CSMD1: variants seen among roughly 807,000 people sequenced by gnomAD.
CSMD1 encodes the protein CUB and sushi domain-containing protein 1.
Under a neutral mutation model 417.5 loss-of-function variants are expected in CSMD1, and 213 were observed. The observed-to-expected ratio is 0.51, with a 90% confidence interval of 0.46 to 0.57. The LOEUF (loss-of-function observed/expected upper bound fraction) is 0.57. Ranked by LOEUF, CSMD1 falls within the 20% of genes least tolerant of loss-of-function variation. The probability of loss-of-function intolerance (pLI) is 0.00; values close to 1 mark genes in which losing one functional copy is unlikely to be tolerated. For missense variants in CSMD1, 6,923 were observed against 4,529.7 expected (o/e 1.53, Z -15.17); for synonymous variants, 2,862 against 1,736.8 (o/e 1.65, Z -16.11).
chr8:3,267,365 G>C (rs913572838), intron 26 of CSMD1, among the ~76,000 whole-genome samples: 1 of 152,206 alleles, frequency 6.6e-6, no homozygotes, highest in African/African-American at 2.4e-5. Context: ...TTGATGCATT[G>C]GAAGATTTGA....
chr8:3,725,910 C>G (rs1456675023), intron 6 of CSMD1, among the ~76,000 whole-genome samples: 3 of 152,176 alleles, frequency 2.0e-5, no homozygotes, highest in Non-Finnish European at 4.4e-5. Context: ...CCTACTCCTT[C>G]TTTCTTTGAT....
intron 3 of CSMD1, among the ~76,000 whole-genome samples, chr8:4,256,238 C>T (rs903898138): frequency 1.3e-5 from 2 of 152,168 alleles, no homozygotes; most frequent in Non-Finnish European, 2.9e-5. Flanking sequence ...TCAAACCAAC[C>T]TTCTCTCTCT....
At chr8:3,128,678 T>C (rs1489809182) in intron 41 of CSMD1, 1 of 344,520 alleles carries the variant, frequency 2.9e-6, no homozygotes, top group South Asian at 2.3e-5. Flanking sequence ...CTGTCAGATA[T>C]GATACCCTAC....
At chr8:3,308,731 A>AATTTTTTTTT (rs750152499) in intron 23 of CSMD1, among the ~76,000 whole-genome samples, 35 of 75,814 alleles carry the variant, frequency 4.6e-4, no homozygotes, top group Non-Finnish European at 6.0e-4. Context: ...CCTACTTACA[A>AATTTTTTTTT]GTTTTTTTTT....
chr8:4,668,223 T>C (rs1468852962), intron 1 of CSMD1, among the ~76,000 whole-genome samples: 1 of 152,030 alleles, frequency 6.6e-6, no homozygotes, highest in Non-Finnish European at 1.5e-5. Flanking sequence ...CCAACTTTGA[T>C]AATGGGGCAT....
At position 3,387,536 on chromosome 8, in the gene CSMD1, C is replaced by T. The variant is rs755410045; in HGVS notation, c.2740G>A (p.Glu914Lys). 3.7e-6 allele frequency: 6 copies of T among 1,602,462 alleles called. No homozygotes were observed. The South Asian group carries it at 6.8e-5, about 18-fold the overall frequency. The change falls in exon 18 of 70, where the codon GAG becomes AAG. Residue 914 changes from glutamate (E) to lysine (K), a missense_variant. Coordinates refer to ENST00000635120, the MANE Select transcript of CSMD1 (RefSeq NM_033225.6). ...GCGTGGTTCCACTGGTGGTTCCTCT[C>T]ACAGACGAGGGGCTCGTCGTCACTT... is the stretch of plus-strand genomic sequence containing the variant. Reference protein sequence around the residue: ...TLSDDEPLVCERNHQWNHALP... With the variant: ...TLSDDEPLVCKRNHQWNHALP...
At chr8:4,830,419 T>C (rs1158720637) in intron 1 of CSMD1, among the ~76,000 whole-genome samples, 2 of 152,228 alleles carry the variant, frequency 1.3e-5, no homozygotes, top group Admixed American at 1.3e-4. Context: ...ACTGAACTTG[T>C]ATGTTTGGAG....
At chr8:4,604,394 T>TGC (rs1800757863) in intron 2 of CSMD1, among the ~76,000 whole-genome samples, 2 of 84,846 alleles carry the variant, frequency 2.4e-5, no homozygotes, top group Non-Finnish European at 6.7e-5. Flanking sequence ...TGTGTGTGTG[T>TGC]GTGTGTGTGT....
chr8:3,410,334 G>C (rs1259474719), intron 12 of CSMD1, among the ~76,000 whole-genome samples: 1 of 152,172 alleles, frequency 6.6e-6, no homozygotes, highest in Non-Finnish European at 1.5e-5. Context: ...GAATAAATGA[G>C]ACAAAATCCT....
At chr8:4,633,485 G>A (rs1334015912) in intron 2 of CSMD1, among the ~76,000 whole-genome samples, 1 of 151,870 alleles carries the variant, frequency 6.6e-6, no homozygotes. Context: ...TACTGACCTC[G>A]TGATCCAACT....
intron 2 of CSMD1, among the ~76,000 whole-genome samples, chr8:4,558,210 G>C (rs1798179263): frequency 6.6e-6 from 1 of 152,108 alleles, no homozygotes; most frequent in African/African-American, 2.4e-5. Context: ...GATGTAATGT[G>C]TCCCCTTATC....
At chr8:3,125,459 A>C (rs889234363) in intron 41 of CSMD1, among the ~76,000 whole-genome samples, 2 of 152,254 alleles carry the variant, frequency 1.3e-5, no homozygotes, top group Non-Finnish European at 2.9e-5. Flanking sequence ...TTTAAGAAAG[A>C]AAGTCATCAA....
chr8:4,397,941 G>GA (rs1220099048), intron 3 of CSMD1, among the ~76,000 whole-genome samples: 4 of 151,952 alleles, frequency 2.6e-5, no homozygotes, highest in Non-Finnish European at 5.9e-5. Context: ...TCTAGAGTAG[G>GA]AAAAAATGGG....
In CSMD1 at chr8:3,224,672, G is replaced by C. The variant is rs145201602; in HGVS notation, c.4346-805C>G. ...TATGATAATAACAAATTTAGTTTGTGTTTGAAGTCATCAATTTTGAATTAA... is the reference window on the plus strand; with the variant it reads ...TATGATAATAACAAATTTAGTTTGTCTTTGAAGTCATCAATTTTGAATTAA... On this transcript the variant is annotated intron_variant, in intron 27 of 69. Coordinates refer to ENST00000635120, the MANE Select transcript of CSMD1 (RefSeq NM_033225.6). Among the ~76,000 whole-genome samples the C allele has an allele frequency of 2.5e-3, 386 of 152,268 alleles. 1 individual carries two copies. Among genetic ancestry groups the C allele is most frequent in the Non-Finnish European group, 3.4e-3 (232 of 68,020 alleles).
intron 5 of CSMD1, among the ~76,000 whole-genome samples, chr8:3,848,321 C>G (rs2954216): frequency 0.18 from 28,048 of 152,004 alleles, 2,772 homozygotes; most frequent in East Asian, 0.4. Flanking sequence ...ACAGAGATCA[C>G]CACATCAAAA....
intron 2 of CSMD1, among the ~76,000 whole-genome samples, chr8:4,602,382 C>A (rs1265931604): frequency 1.3e-5 from 2 of 152,080 alleles, no homozygotes; most frequent in Non-Finnish European, 2.9e-5. Context: ...AGGAGAGATC[C>A]ACTATTAATT....
At chr8:4,606,889 T>C (rs1294219393) in intron 2 of CSMD1, among the ~76,000 whole-genome samples, 1 of 152,190 alleles carries the variant, frequency 6.6e-6, no homozygotes, top group African/African-American at 2.4e-5. Context: ...AACCGTGAAC[T>C]TTCTCCCCAT....
At chr8:4,742,665 G>T (rs1362782361) in intron 1 of CSMD1, among the ~76,000 whole-genome samples, 1 of 152,100 alleles carries the variant, frequency 6.6e-6, no homozygotes, top group Non-Finnish European at 1.5e-5. Flanking sequence ...GTGTTAACAT[G>T]GAGCATTTTT....
In CSMD1 at chr8:2,942,591, T is replaced by C; in HGVS notation, c.10416A>G (p.Pro3472=). Residue 3472 remains proline, a synonymous_variant, in exon 69 of 70, where the codon CCA becomes CCG. Coordinates refer to ENST00000635120, the MANE Select transcript of CSMD1 (RefSeq NM_033225.6). ...GGTAATGACTGGAAGAGTCTTGATC[T>C]GGGTTTAAAGGATCTGTAAGATAAA... ...FKLERQDPLN[P]DQDSSSHYHG... The C allele has an allele frequency of 1.9e-6, 3 of 1,591,100 alleles. No homozygotes were observed. The highest frequency in any genetic ancestry group is 2.6e-6 in the Non-Finnish European group (3 of 1,167,730).
Sources: gnomAD v4.1 joint callset for allele counts (sites outside exome capture counted in the v4.1 genomes callset) on GRCh38, gnomAD v4.1.1 for gene constraint, MANE v1.5 for transcripts, NCBI Gene and HGNC (gene_info 2026-07-23, HGNC 2026-07-21) for gene names.